The following VAV3 variants were observed in gnomAD, a reference collection of about 807,000 sequenced individuals.
The protein encoded by VAV3 is vav guanine nucleotide exchange factor 3, also known as guanine nucleotide exchange factor VAV3.
A neutral mutation model predicts 131.2 loss-of-function variants in VAV3; 94 were observed. The ratio of observed to expected loss-of-function variants is 0.72; its 90% CI spans 0.61 to 0.85. VAV3 has a LOEUF of 0.85. Among genes scored for constraint, VAV3 ranks in the 40% least tolerant of loss-of-function variants. The probability of loss-of-function intolerance (pLI) is 0.00; values close to 1 mark genes in which losing one functional copy is unlikely to be tolerated. For missense variants in VAV3, 939 were observed against 1,002.7 expected, an observed-to-expected ratio of 0.94 and a Z score of 0.86; for synonymous variants, 349 against 342.0, an observed-to-expected ratio of 1.02 and a Z score of -0.22.
At chr1:107,816,041 G>A (rs1667546250) in intron 2 of VAV3, among the ~76,000 whole-genome samples, 1 of 152,156 alleles carries the variant, frequency 6.6e-6, no homozygotes, top group African/African-American at 2.4e-5. Context: ...CCACTGATCT[G>A]AGAGGGGGCA....
At chr1:107,640,415 T>C (rs1018300982) in intron 20 of VAV3, among the ~76,000 whole-genome samples, 2 of 151,962 alleles carry the variant, frequency 1.3e-5, no homozygotes, top group Non-Finnish European at 2.9e-5. Flanking sequence ...AAATACAAAC[T>C]CATCTCCAGT....
At chr1:107,760,742 G>A (rs1412038301) in intron 10 of VAV3, 42 bp downstream of exon 10, 7 of 1,466,276 alleles carry the variant, frequency 4.8e-6, no homozygotes, top group East Asian at 4.6e-5. Context: ...ATTTTGTTGA[G>A]TGAATAAATG....
At chr1:107,829,579 T>G (rs1268535344) in intron 2 of VAV3, among the ~76,000 whole-genome samples, 1 of 152,192 alleles carries the variant, frequency 6.6e-6, no homozygotes, top group East Asian at 1.9e-4. Flanking sequence ...CAGTATTTCC[T>G]GTAAAATAAC....
intron 15 of VAV3, 129 bp from the exon 16 acceptor site, chr1:107,705,190 T>G: frequency 1.4e-6 from 1 of 714,452 alleles, no homozygotes; most frequent in Non-Finnish European, 2.3e-6. Context: ...GACTACTAAA[T>G]GTGCAATGTT....
intron 15 of VAV3, among the ~76,000 whole-genome samples, chr1:107,744,430 G>A (rs560973036): frequency 2.6e-4 from 40 of 152,086 alleles, no homozygotes; most frequent in Non-Finnish European, 4.1e-4. Flanking sequence ...TTCAAAAACT[G>A]GGCCAAGGTC....
At chr1:107,700,933 C>T (rs1660081835) in intron 17 of VAV3, among the ~76,000 whole-genome samples, 1 of 152,168 alleles carries the variant, frequency 6.6e-6, no homozygotes, top group Admixed American at 6.5e-5. Context: ...TAAAAGCATT[C>T]CTATTTCTCC....
chr1:107,664,395 A>G (rs543710729), intron 19 of VAV3, among the ~76,000 whole-genome samples: 1 of 150,544 alleles, frequency 6.6e-6, no homozygotes, highest in East Asian at 1.9e-4. Flanking sequence ...CGCCACTGCC[A>G]TGTGTCCACA....
At chr1:107,775,577 C>CAAAAA (rs34775096) in intron 4 of VAV3, among the ~76,000 whole-genome samples, 28 of 56,476 alleles carry the variant, frequency 5.0e-4, no homozygotes, top group East Asian at 7.2e-4. Context: ...GACTCAGTCA[C>CAAAAA]AAAAAAAAAA....
chr1:107,743,406 G>T (rs72979644), intron 15 of VAV3, among the ~76,000 whole-genome samples: 1 of 152,146 alleles, frequency 6.6e-6, no homozygotes, highest in Non-Finnish European at 1.5e-5. Flanking sequence ...TGTATCAAGC[G>T]TAATTCTTGG....
chr1:107,789,408 C>A (rs1338299380), intron 2 of VAV3, among the ~76,000 whole-genome samples: 1 of 152,202 alleles, frequency 6.6e-6, no homozygotes, highest in Non-Finnish European at 1.5e-5. Flanking sequence ...AAAGATGCTC[C>A]ATCTTTTGTC....
intron 19 of VAV3, among the ~76,000 whole-genome samples, chr1:107,657,524 A>T (rs1656661083): frequency 6.6e-6 from 1 of 152,190 alleles, no homozygotes; most frequent in Admixed American, 6.5e-5. Flanking sequence ...CAGGAACTTA[A>T]TCCTTTTTGA....
intron 1 of VAV3, among the ~76,000 whole-genome samples, chr1:107,894,853 G>T (rs1671489397): frequency 6.6e-6 from 1 of 152,162 alleles, no homozygotes; most frequent in African/African-American, 2.4e-5. Context: ...TGTTCTGGTT[G>T]CCTGAAGTGG....
intron 15 of VAV3, among the ~76,000 whole-genome samples, chr1:107,705,350 C>A (rs1660379663): frequency 7.4e-6 from 1 of 135,558 alleles, no homozygotes; most frequent in Non-Finnish European, 1.6e-5. Flanking sequence ...GGTCAACCTG[C>A]CTGGAAAAAA....
At chr1:107,751,251 TA>T in intron 12 of VAV3, 49 bp from the exon 13 acceptor site, 2 of 1,404,932 alleles carry the variant, frequency 1.4e-6, no homozygotes, top group East Asian at 2.3e-5. Context: ...CACATGAAAA[TA>T]AAAACAAATA....
At chr1:107,666,572 CTTT>C (rs561256376) in intron 19 of VAV3, among the ~76,000 whole-genome samples, 1 of 138,260 alleles carries the variant, frequency 7.2e-6, no homozygotes, top group Non-Finnish European at 1.6e-5. Flanking sequence ...TCATTTGAGA[CTTT>C]TTTTTTTTTT....
chr1:107,806,000 G>A (rs908740039), intron 2 of VAV3, among the ~76,000 whole-genome samples: 15 of 152,164 alleles, frequency 9.9e-5, no homozygotes, highest in Non-Finnish European at 1.5e-4. Context: ...GGATATCTGT[G>A]GAATGTACCA....
intron 2 of VAV3, among the ~76,000 whole-genome samples, chr1:107,841,323 A>T (rs1372865923): frequency 6.6e-6 from 1 of 152,204 alleles, no homozygotes; most frequent in African/African-American, 2.4e-5. Context: ...TTTTAAAAGT[A>T]TAAATGGTAT....
intron 1 of VAV3, among the ~76,000 whole-genome samples, chr1:107,954,084 A>G (rs2101359786): frequency 6.6e-6 from 1 of 152,358 alleles, no homozygotes; most frequent in Admixed American, 6.5e-5. Context: ...GGAAAACCAG[A>G]ATGTCAACTT....
At chr1:107,961,443 T>C (rs1447891526) in intron 1 of VAV3, among the ~76,000 whole-genome samples, 1 of 152,168 alleles carries the variant, frequency 6.6e-6, no homozygotes, top group Non-Finnish European at 1.5e-5. Context: ...ATTCACATGC[T>C]TTGTGTCCTG....
Sources: allele counts gnomAD v4.1 joint callset (sites outside exome capture counted in the v4.1 genomes callset), GRCh38; gene constraint gnomAD v4.1.1; transcripts MANE v1.5; gene names NCBI Gene and HGNC (gene_info 2026-07-23, HGNC 2026-07-21).